The following SLIT2 variants were observed in gnomAD, a reference collection of about 807,000 sequenced individuals.
The protein encoded by SLIT2 is slit homolog 2 protein.
Under a neutral mutation model 185.7 loss-of-function variants are expected in SLIT2, and 41 were observed. The ratio of observed to expected loss-of-function variants is 0.22; its 90% CI spans 0.17 to 0.29. The LOEUF is 0.29. Ranked by LOEUF, SLIT2 falls within the 10% of genes least tolerant of loss-of-function variation. SLIT2 has a pLI of 1.00. For missense variants in SLIT2, 1,571 were observed against 1,909.0 expected (o/e 0.82, Z 3.30); for synonymous variants, 693 against 680.2 (o/e 1.02, Z -0.29).
At chr4:20,285,710 G>A (rs1413289478) in intron 4 of SLIT2, among the ~76,000 whole-genome samples, 4 of 152,104 alleles carry the variant, frequency 2.6e-5, no homozygotes, top group Admixed American at 2.6e-4. Context: ...ACCACGCCCA[G>A]CTAATTTTTG....
intron 4 of SLIT2, among the ~76,000 whole-genome samples, chr4:20,405,365 A>G (rs1726696878): frequency 6.6e-6 from 1 of 152,024 alleles, no homozygotes; most frequent in African/African-American, 2.4e-5. Flanking sequence ...GATTTCTTAG[A>G]ATTCTCAGAA....
chr4:20,444,205 G>C lies in SLIT2; in HGVS notation c.396-23547G>C, dbSNP rs79792941. Reference sequence around the variant, plus strand: ...TAGACTCGAGGCTAAGCATAGATTGGGACGCTTGAAAAGAATGATAAAATG... The same window carrying C: ...TAGACTCGAGGCTAAGCATAGATTGCGACGCTTGAAAAGAATGATAAAATG... On this transcript the variant is annotated intron_variant, in intron 4 of 36. Coordinates refer to ENST00000504154, the MANE Select transcript of SLIT2 (RefSeq NM_004787.4). Among the ~76,000 whole-genome samples the C allele has an allele frequency of 1.7e-3, 265 of 152,096 alleles. 2 individuals are homozygous for C. The highest frequency in any genetic ancestry group is 6.2e-3 in the African/African-American group (259 of 41,468).
chr4:20,515,744 A>G lies in SLIT2; in HGVS notation c.1059-3638A>G, dbSNP rs550209696. ...GAATAATAAAGTATCTGCCCATAACACCTTTTTCATGATAGTCATCTTATA... is the reference window on the plus strand; with the variant it reads ...GAATAATAAAGTATCTGCCCATAACGCCTTTTTCATGATAGTCATCTTATA... On this transcript the variant is annotated intron_variant, in intron 11 of 36. Coordinates refer to ENST00000504154, the MANE Select transcript of SLIT2 (RefSeq NM_004787.4). Among the ~76,000 whole-genome samples, 17 of 152,206 alleles carry G rather than the reference A, an allele frequency of 1.1e-4. 1 individual carries two copies. The South Asian group carries it at 3.3e-3, about 30-fold the overall frequency.
chr4:20,277,593 A>G (rs2109047229), intron 4 of SLIT2, among the ~76,000 whole-genome samples: 1 of 151,704 alleles, frequency 6.6e-6, no homozygotes, highest in African/African-American at 2.4e-5. Flanking sequence ...TGCATCTGTT[A>G]AACTACCACT....
At chr4:20,398,411 A>G (rs758985572) in intron 4 of SLIT2, among the ~76,000 whole-genome samples, 73 of 151,854 alleles carry the variant, frequency 4.8e-4, no homozygotes, top group Non-Finnish European at 8.3e-4. Context: ...CAAGAAATAG[A>G]GACAGTTGCT....
At chr4:20,395,987 T>A (rs539876644) in intron 4 of SLIT2, among the ~76,000 whole-genome samples, 1 of 152,016 alleles carries the variant, frequency 6.6e-6, no homozygotes, top group Non-Finnish European at 1.5e-5. Flanking sequence ...AAAAGGTAGA[T>A]CACAAGAATA....
At chr4:20,470,178 A>G (rs1398018670) in intron 5 of SLIT2, among the ~76,000 whole-genome samples, 1 of 152,182 alleles carries the variant, frequency 6.6e-6, no homozygotes, top group Non-Finnish European at 1.5e-5. Context: ...TTCATTTGCA[A>G]GTATTTGACT....
intron 4 of SLIT2, among the ~76,000 whole-genome samples, chr4:20,390,782 A>ATG (rs1725357543): frequency 6.9e-5 from 10 of 144,750 alleles, no homozygotes; most frequent in Non-Finnish European, 1.4e-4. Flanking sequence ...AAAAAAAAAT[A>ATG]TATATATACT....
chr4:20,505,811 G>A (rs1048308658), intron 9 of SLIT2, among the ~76,000 whole-genome samples: 5 of 151,990 alleles, frequency 3.3e-5, no homozygotes, highest in Non-Finnish European at 5.9e-5. Context: ...ATAGACACCA[G>A]AACGTGTTAT....
At chr4:20,466,940 A>G (rs1483343268) in intron 4 of SLIT2, among the ~76,000 whole-genome samples, 2 of 152,154 alleles carry the variant, frequency 1.3e-5, no homozygotes, top group Non-Finnish European at 2.9e-5. Flanking sequence ...TTGCACGTAT[A>G]TTTATATTCT....
In SLIT2 at chr4:20,257,906, G is replaced by A. The variant is rs750733627; in HGVS notation, c.290G>A (p.Gly97Glu). ...AATAAGATTAGCACCATTGAAAGAG[G>A]AGCATTCCAGGATCTTAAAGAACTA... ...MENKISTIER[G>E]AFQDLKELER... Residue 97 changes from glycine (G) to glutamate (E), a missense_variant, in exon 3 of 37, where the codon GGA (glycine) becomes GAA (glutamate). Coordinates refer to ENST00000504154, the MANE Select transcript of SLIT2 (RefSeq NM_004787.4). 6.4e-7 allele frequency: 1 copy of A among 1,571,934 alleles called. No individual in the cohort carries two copies. The highest frequency in any genetic ancestry group is 1.7e-5 in the Admixed American group (1 of 58,912).
chr4:20,341,305 T>A (rs773720554), intron 4 of SLIT2, among the ~76,000 whole-genome samples: 4 of 152,212 alleles, frequency 2.6e-5, no homozygotes, highest in African/African-American at 4.8e-5. Context: ...TTGGATGAGA[T>A]ATTATACTGA....
chr4:20,307,611 G>T (rs1279343218), intron 4 of SLIT2, among the ~76,000 whole-genome samples: 1 of 152,058 alleles, frequency 6.6e-6, no homozygotes, highest in African/African-American at 2.4e-5. Flanking sequence ...ATCTATATAT[G>T]CAGTTACTCT....
intron 4 of SLIT2, among the ~76,000 whole-genome samples, chr4:20,320,400 G>A (rs1321999824): frequency 6.6e-6 from 1 of 152,132 alleles, no homozygotes; most frequent in African/African-American, 2.4e-5. Context: ...CATTTACACT[G>A]TGTTATCTAA....
chr4:20,595,692 A>C lies in SLIT2; in HGVS notation c.3183-5A>C. On this transcript the variant is annotated splice_region_variant and splice_polypyrimidine_tract_variant and intron_variant, in intron 30 of 36. Transcript: ENST00000504154. ...TTTGAAACCATTACCTGCTTGTTCC[A>C]ACAGATGTGACTGCACACCAGGGTA... The C allele has an allele frequency of 6.2e-7, 1 of 1,613,766 alleles. No homozygotes were observed. The highest frequency in any genetic ancestry group is 8.5e-7 in the Non-Finnish European group (1 of 1,179,780).
At chr4:20,573,929 A>G (rs1034399586) in intron 29 of SLIT2, among the ~76,000 whole-genome samples, 1 of 111,832 alleles carries the variant, frequency 8.9e-6, no homozygotes, top group Non-Finnish European at 2.0e-5. Context: ...AACGTGAGTC[A>G]TAGAATTATT....
intron 4 of SLIT2, among the ~76,000 whole-genome samples, chr4:20,350,313 A>G (rs1415592249): frequency 6.6e-6 from 1 of 151,982 alleles, no homozygotes; most frequent in Non-Finnish European, 1.5e-5. Context: ...TGCTGAGTAC[A>G]AATATCCTCC....
At chr4:20,445,914 G>C (rs1367880338) in intron 4 of SLIT2, among the ~76,000 whole-genome samples, 1 of 152,112 alleles carries the variant, frequency 6.6e-6, no homozygotes, top group African/African-American at 2.4e-5. Flanking sequence ...GCAAAGCCCT[G>C]GCCCACAGTG....
At chr4:20,296,912 C>T (rs747825752) in intron 4 of SLIT2, among the ~76,000 whole-genome samples, 2 of 152,158 alleles carry the variant, frequency 1.3e-5, no homozygotes, top group Non-Finnish European at 2.9e-5. Context: ...TGTGAAATTG[C>T]CCTTTCTTCT....
Sources: gnomAD v4.1 joint callset for allele counts (sites outside exome capture counted in the v4.1 genomes callset) on GRCh38, gnomAD v4.1.1 for gene constraint, MANE v1.5 for transcripts, NCBI Gene and HGNC (gene_info 2026-07-23, HGNC 2026-07-21) for gene names.